Variants in SLC7A9 observed in about 807,000 individuals in gnomAD.
SLC7A9 encodes B(0,+)-type amino acid transporter 1.
SLC7A9 carries 38 observed loss-of-function variants against 54.1 expected under a neutral mutation model. The ratio of observed to expected loss-of-function variants is 0.70; its 90% CI spans 0.54 to 0.92. SLC7A9 has a LOEUF of 0.92. Among genes scored for constraint, SLC7A9 ranks in the 40% least tolerant of loss-of-function variants. The probability of loss-of-function intolerance (pLI) is 0.00; values close to 1 mark genes in which losing one functional copy is unlikely to be tolerated. For missense variants in SLC7A9, 537 were observed against 636.1 expected, an observed-to-expected ratio of 0.84 and a Z score of 1.68; for synonymous variants, 264 against 258.9, an observed-to-expected ratio of 1.02 and a Z score of -0.19.
chr19:32,836,137 T>C lies in SLC7A9; in HGVS notation c.1225-2814A>G, dbSNP rs558178297. 7.2e-3 allele frequency among the ~76,000 whole-genome samples: 1,093 copies of C among 151,888 alleles called. 17 individuals are homozygous for C. Among genetic ancestry groups the C allele is most frequent in the Non-Finnish European group, 6.9e-3 (469 of 67,930 alleles). Reference sequence around the variant, plus strand: ...ACCATGTTGGCTAGGATGGTCTCGATCTCCTGACCTTGTGATCCGCCGGCC... The same window carrying C: ...ACCATGTTGGCTAGGATGGTCTCGACCTCCTGACCTTGTGATCCGCCGGCC... On this transcript the variant is annotated intron_variant, in intron 11 of 12. Transcript: ENST00000023064.
chr19:32,868,812 CAG>C (rs1427767843), intron 1 of SLC7A9, among the ~76,000 whole-genome samples, 167 bp from the exon 2 acceptor site: 3 of 152,194 alleles, frequency 2.0e-5, no homozygotes, highest in Admixed American at 6.5e-5. Flanking sequence ...AGCTCTCTCC[CAG>C]ACAGGCCCCG....
At chr19:32,833,111 C>A (rs995483954) in intron 12 of SLC7A9, 38 bp downstream of exon 12, 3 of 1,609,190 alleles carry the variant, frequency 1.9e-6, no homozygotes, top group Admixed American at 1.7e-5. Context: ...CCTGCCTGCA[C>A]CTCACAGAGG....
At chr19:32,866,449 G>T (rs546571475) in intron 2 of SLC7A9, among the ~76,000 whole-genome samples, 1 of 152,194 alleles carries the variant, frequency 6.6e-6, no homozygotes, top group East Asian at 1.9e-4. Context: ...TTAGAGTCAG[G>T]GTCTCGCTCT....
In SLC7A9 at chr19:32,843,877, GGAGT is replaced by G; in HGVS notation, c.1048_1051del (p.Thr350GlnfsTer11). 1 of 1,613,600 alleles carries G rather than the reference GGAGT, an allele frequency of 6.2e-7. No homozygotes were observed. Reference sequence around the variant, plus strand: ...CACATAAAAGATGATGGCGGGGGCTGGAGTGAGGCGCCTGACGCTGATGTAAGAA... The same window carrying G: ...CACATAAAAGATGATGGCGGGGGCTGGAGGCGCCTGACGCTGATGTAAGAA... On this transcript the variant is annotated frameshift_variant, in exon 10 of 13. Coordinates refer to ENST00000023064, the MANE Select transcript of SLC7A9 (RefSeq NM_014270.5). LOFTEE classifies it high-confidence loss of function.
intron 2 of SLC7A9, among the ~76,000 whole-genome samples, chr19:32,866,269 C>CG (rs1968969249): frequency 6.6e-6 from 1 of 152,092 alleles, no homozygotes; most frequent in African/African-American, 2.4e-5. Context: ...CAGGACAGGG[C>CG]GGGGATGGGC....
intron 10 of SLC7A9, among the ~76,000 whole-genome samples, chr19:32,843,446 G>A (rs1968185562): frequency 6.6e-6 from 1 of 151,884 alleles, no homozygotes. Context: ...GGGTGACAGA[G>A]CAAGACTCCG....
chr19:32,868,757 G>T, intron 1 of SLC7A9, 112 bp from the exon 2 acceptor site: 2 of 610,184 alleles, frequency 3.3e-6, no homozygotes, highest in Non-Finnish European at 6.0e-6. Flanking sequence ...GTCCAGGCAG[G>T]GGAACACAGC....
chr19:32,838,889 C>G (rs545263135), intron 11 of SLC7A9, among the ~76,000 whole-genome samples: 2 of 150,716 alleles, frequency 1.3e-5, no homozygotes, highest in African/African-American at 2.4e-5. Flanking sequence ...GTATAATGCC[C>G]TTAGTCCCCT....
chr19:32,842,384 C>G, intron 10 of SLC7A9, 67 bp from the exon 11 acceptor site: 1 of 1,490,142 alleles, frequency 6.7e-7, no homozygotes, highest in Non-Finnish European at 9.3e-7. Flanking sequence ...CACAGAAGAC[C>G]GAAGAAGCAG....
intron 2 of SLC7A9, among the ~76,000 whole-genome samples, chr19:32,865,580 A>T (rs1490001747): frequency 6.6e-6 from 1 of 152,220 alleles, no homozygotes; most frequent in African/African-American, 2.4e-5. Flanking sequence ...ATCCACAGCC[A>T]CAGGAATTCA....
chr19:32,864,365 A>G (rs2145846422), intron 3 of SLC7A9, 27 bp from the exon 4 acceptor site: 1 of 1,613,048 alleles, frequency 6.2e-7, no homozygotes, highest in Non-Finnish European at 8.5e-7. Flanking sequence ...AAGGGCCCAC[A>G]GGCCCCTTGT....
chr19:32,859,934 G>C lies in SLC7A9; in HGVS notation c.780C>G (p.Ile260Met). 1.2e-6 allele frequency: 2 copies of C among 1,614,164 alleles called. No individual in the cohort carries two copies. Among genetic ancestry groups the C allele is most frequent in the East Asian group, 2.2e-5 (1 of 44,870 alleles). ...GGATGTAGCACGCCGTCACCAGGGGGATCCCGATGATAATGGCCAAAGGCA... is the reference window on the plus strand; with the variant it reads ...GGATGTAGCACGCCGTCACCAGGGGCATCCCGATGATAATGGCCAAAGGCA... ...RNLPLAIIIG[I>M]PLVTACYILM... The change falls in exon 8 of 13, where the codon ATC becomes ATG. Residue 260 changes from isoleucine to methionine, a missense_variant. Ile to Met is a conservative substitution (Grantham distance 10). Transcript: ENST00000023064.
chr19:32,842,523 C>A (rs1205629274), intron 10 of SLC7A9, among the ~76,000 whole-genome samples: 1 of 152,150 alleles, frequency 6.6e-6, no homozygotes, highest in Non-Finnish European at 1.5e-5. Flanking sequence ...TGGGAAATTT[C>A]TGAATCTTTG....
chr19:32,864,277 G>T lies in SLC7A9; in HGVS notation c.297C>A (p.Tyr99Ter). The change falls in exon 4 of 13, where the codon TAC (tyrosine) becomes TAA (stop). Residue 99 changes from tyrosine to a stop codon, truncating the protein, a stop_gained. Coordinates refer to ENST00000023064, the MANE Select transcript of SLC7A9 (RefSeq NM_014270.5). LOFTEE classifies it high-confidence loss of function. ...GGATGGGCCCGTAGGCCTCCATCAG[G>T]TAGGGATACTCTCCCCCTGACTTGG... Reference protein sequence around the residue: ...MITKSGGEYPYLMEAYGPIPA... With the variant: ...MITKSGGEYP 1 of 1,614,086 alleles carries T rather than the reference G, an allele frequency of 6.2e-7. No individual in the cohort carries two copies. Among genetic ancestry groups the T allele is most frequent in the Non-Finnish European group, 8.5e-7 (1 of 1,179,998 alleles).
At chr19:32,866,101 C>G (rs747989650) in intron 2 of SLC7A9, among the ~76,000 whole-genome samples, 1 of 152,188 alleles carries the variant, frequency 6.6e-6, no homozygotes, top group Non-Finnish European at 1.5e-5. Flanking sequence ...CCTGAAGTTT[C>G]CAGCACCCAT....
At chr19:32,865,297 CTTATT>C (rs1448577498) in intron 2 of SLC7A9, among the ~76,000 whole-genome samples, 32 of 152,170 alleles carry the variant, frequency 2.1e-4, no homozygotes, top group Admixed American at 9.2e-4. Context: ...TTTCTTTTAT[CTTATT>C]TTTATTTACT....
rs1969050717 is a variant in SLC7A9 at position 32,868,660 on chromosome 19, T to C, written c.-111-15A>G. The C allele has an allele frequency of 2.5e-6, 2 of 786,742 alleles. No individual in the cohort carries two copies. The highest frequency in any genetic ancestry group is 3.4e-5 in the African/African-American group (2 of 58,796). 48.7% of individuals were successfully genotyped at this position (786,742 alleles called of 1,614,324 possible). A position where few individuals can be genotyped will look rare whatever the true frequency, so the allele number is the denominator to read the frequency against. On this transcript the variant is annotated splice_polypyrimidine_tract_variant and intron_variant, in intron 1 of 12. Coordinates refer to ENST00000023064, the MANE Select transcript of SLC7A9 (RefSeq NM_014270.5). ...AGGGGAGCTGGCTGCAAAAGCACAG[T>C]GTTGGTTATTGCTGCAGGTGGGGGC...
At chr19:32,860,197 C>T in intron 7 of SLC7A9, 1 of 1,471,088 alleles carries the variant, frequency 6.8e-7, no homozygotes, top group Middle Eastern at 1.9e-4. Flanking sequence ...GCTCTTCCCT[C>T]CCTTAGGAGC....
intron 11 of SLC7A9, among the ~76,000 whole-genome samples, chr19:32,833,975 G>C (rs1488649262): frequency 6.6e-6 from 1 of 152,140 alleles, no homozygotes; most frequent in Non-Finnish European, 1.5e-5. Context: ...CTGAATTGCA[G>C]TTCATACAGG....
Sources: allele counts gnomAD v4.1 joint callset (sites outside exome capture counted in the v4.1 genomes callset), GRCh38; gene constraint gnomAD v4.1.1; transcripts MANE v1.5; gene names NCBI Gene and HGNC (gene_info 2026-07-23, HGNC 2026-07-21).